The following PCDHGA12 variants were observed in gnomAD, a reference collection of about 807,000 sequenced individuals.
PCDHGA12 encodes protocadherin gamma subfamily A, 12, also known as protocadherin gamma-A12.
PCDHGA12 carries 43 observed loss-of-function variants against 61.1 expected under a neutral mutation model. The ratio of observed to expected loss-of-function variants is 0.70; its 90% confidence interval spans 0.55 to 0.91. The LOEUF is 0.91. PCDHGA12 is among the 40% of genes least tolerant of loss of function. The pLI is 0.00. For missense variants in PCDHGA12, 1,236 were observed against 1,227.7 expected, an observed-to-expected ratio of 1.01 and a Z score of -0.10; for synonymous variants, 520 against 542.9, an observed-to-expected ratio of 0.96 and a Z score of 0.59.
chr5:141,509,442 T>C (rs1473514859), intron 3 of PCDHGA12, among the ~76,000 whole-genome samples: 3 of 152,008 alleles, frequency 2.0e-5, no homozygotes, highest in Non-Finnish European at 2.9e-5. Flanking sequence ...TGTTTCCTCC[T>C]CTCCCACCCC....
At chr5:141,479,855 C>T (rs1330076788) in intron 1 of PCDHGA12, among the ~76,000 whole-genome samples, 2 of 152,128 alleles carry the variant, frequency 1.3e-5, no homozygotes, top group Non-Finnish European at 2.9e-5. Context: ...ACTGCAAGGC[C>T]TTTGCCCTGG....
intron 1 of PCDHGA12, chr5:141,478,470 G>A (rs753075137): frequency 1.2e-6 from 2 of 1,613,686 alleles, no homozygotes; most frequent in Non-Finnish European, 1.7e-6. Context: ...CTGGCCAGCC[G>A]CCAGAACACG....
At chr5:141,475,448 G>C (rs774710049) in intron 1 of PCDHGA12, among the ~76,000 whole-genome samples, 1 of 152,214 alleles carries the variant, frequency 6.6e-6, no homozygotes, top group African/African-American at 2.4e-5. Context: ...CAGATAATGA[G>C]GAAGTGACAG....
At position 141,491,658 on chromosome 5, in the gene PCDHGA12, C is replaced by A; in HGVS notation, c.2425-3149C>A. 1 of 1,613,822 alleles carries A rather than the reference C, an allele frequency of 6.2e-7. No homozygotes were observed. The highest frequency in any genetic ancestry group is 8.5e-7 in the Non-Finnish European group (1 of 1,180,016). On this transcript the variant is annotated intron_variant, in intron 1 of 3. Coordinates refer to ENST00000252085, the MANE Select transcript of PCDHGA12 (RefSeq NM_003735.3). The surrounding 1 kb of genome is among the most constrained non-coding windows in gnomAD (Gnocchi z 6.9). ...CCACAGCTCTGGCGCTGGAGCCTGA[C>A]GCCATCCGGTCCCGCTCTAATACGC... is the stretch of plus-strand genomic sequence containing the variant.
chr5:141,486,565 TC>T lies in PCDHGA12; in HGVS notation c.2425-8240del. The T allele has an allele frequency of 6.2e-7, 1 of 1,614,024 alleles. No homozygotes were observed. The highest frequency in any genetic ancestry group is 2.2e-5 in the East Asian group (1 of 44,880). On this transcript the variant is annotated intron_variant, in intron 1 of 3. Transcript: ENST00000252085. This position sits in a 1 kb window ranked among gnomAD's most constrained non-coding sequence, Gnocchi z 5.0. Reference sequence around the variant, plus strand: ...TTCAGAGGTCACATGAGGTGTTTGTTCCTGAGAACAATCGCCCAGGGGACCT... The same window carrying T: ...TTCAGAGGTCACATGAGGTGTTTGTTCTGAGAACAATCGCCCAGGGGACCT...
chr5:141,459,909 G>A (rs7446907), intron 1 of PCDHGA12, among the ~76,000 whole-genome samples: 42,418 of 152,010 alleles, frequency 0.28, 6,645 homozygotes, highest in African/African-American at 0.43. Flanking sequence ...TGAGCTATGG[G>A]AGTTTTAAAA....
chr5:141,485,995 T>G lies in PCDHGA12; in HGVS notation c.2425-8812T>G. 1 of 1,614,176 alleles carries G rather than the reference T, an allele frequency of 6.2e-7. No individual in the cohort carries two copies. On this transcript the variant is annotated intron_variant, in intron 1 of 3. Transcript: ENST00000252085. The surrounding 1 kb of genome is among the most constrained non-coding windows in gnomAD (Gnocchi z 5.7). ...CCTCAGACCCGGACCTGGGTCCCAG[T>G]GGTAACGTCACCTTTTATTTCAGTG...
At position 141,433,275 on chromosome 5, in the gene PCDHGA12, C is replaced by G. The variant is rs1173546273; in HGVS notation, c.2424+92C>G. 1.5e-5 allele frequency: 19 copies of G among 1,229,998 alleles called. No homozygotes were observed. In the East Asian group the frequency reaches 3.6e-4, roughly 23 times the overall value. The allele number at this position is 1,229,998 out of a possible 1,614,324, so 76.2% of individuals were successfully genotyped here. A position where few individuals can be genotyped will look rare whatever the true frequency, so the allele number is the denominator to read the frequency against. On this transcript the variant is annotated intron_variant, in intron 1 of 3. Transcript: ENST00000252085. ...GCGGTACGATCATAGCTCACTGCAG[C>G]CTCAAACTCCTAGGCTCAAGCAATT...
At position 141,432,993 on chromosome 5, in the gene PCDHGA12, G is replaced by C. The variant is rs749499789; in HGVS notation, c.2234G>C (p.Gly745Ala). 7 of 1,614,208 alleles carry C rather than the reference G, an allele frequency of 4.3e-6. No homozygotes were observed. In the South Asian group the frequency reaches 7.7e-5, roughly 18 times the overall value. Residue 745 changes from glycine to alanine, a missense_variant, in exon 1 of 4, where the codon GGG becomes GCG. By Grantham distance (60) the Gly-to-Ala change is moderately conservative (BLOSUM62 0). Transcript: ENST00000252085. This position sits in a 1 kb window ranked among gnomAD's most constrained non-coding sequence, Gnocchi z 6.0. ...APASHFVGVDGVQAFLQTYSH... is the reference protein window; with the variant it reads ...APASHFVGVDAVQAFLQTYSH... ...GCGTCGCACTTTGTGGGCGTGGACG[G>C]GGTGCAGGCTTTCCTGCAGACCTAT...
In PCDHGA12 at chr5:141,493,468, T is replaced by C. The variant is rs960204561; in HGVS notation, c.2425-1339T>C. On this transcript the variant is annotated intron_variant, in intron 1 of 3. Transcript: ENST00000252085. The surrounding 1 kb of genome is among the most constrained non-coding windows in gnomAD (Gnocchi z 4.3). ...TGGGGTTCCTTCCCTTTTAGGACCT[T>C]ACATGTGGGGAAAGTCTTCTGTGGC... Among the ~76,000 whole-genome samples the C allele has an allele frequency of 4.6e-5, 7 of 152,144 alleles. No individual in the cohort carries two copies. Among genetic ancestry groups the C allele is most frequent in the African/African-American group, 1.4e-4 (6 of 41,426 alleles).
At position 141,433,251 on chromosome 5, in the gene PCDHGA12, C is replaced by T. The variant is rs1022165468; in HGVS notation, c.2424+68C>T. The T allele has an allele frequency of 1.1e-5, 16 of 1,423,126 alleles. No homozygotes were observed. In the East Asian group the frequency reaches 3.7e-4, roughly 33 times the overall value. 88.2% of individuals were successfully genotyped at this position (1,423,126 alleles called of 1,614,324 possible). A position where few individuals can be genotyped will look rare whatever the true frequency, so the allele number is the denominator to read the frequency against. ...CTCTGTCTCCCAAGCTGGAATGCAGCGGTACGATCATAGCTCACTGCAGCC... is the reference window on the plus strand; with the variant it reads ...CTCTGTCTCCCAAGCTGGAATGCAGTGGTACGATCATAGCTCACTGCAGCC... On this transcript the variant is annotated intron_variant, in intron 1 of 3. Transcript: ENST00000252085.
At chr5:141,460,411 T>TG (rs2098988114) in intron 1 of PCDHGA12, among the ~76,000 whole-genome samples, 1 of 152,212 alleles carries the variant, frequency 6.6e-6, no homozygotes, top group Non-Finnish European at 1.5e-5. Context: ...TTTGAGTTGA[T>TG]GTTTATGTAT....
In PCDHGA12 at chr5:141,493,548, G is replaced by A. The variant is rs1243278355; in HGVS notation, c.2425-1259G>A. 3.9e-5 allele frequency among the ~76,000 whole-genome samples: 6 copies of A among 152,196 alleles called. No homozygotes were observed. ...AAACTTGGCCAGTTATCCTTTTGGA[G>A]ATTGAGTTCCCCCAGCTCCGTTTCC... On this transcript the variant is annotated intron_variant, in intron 1 of 3. Coordinates refer to ENST00000252085, the MANE Select transcript of PCDHGA12 (RefSeq NM_003735.3). This position sits in a 1 kb window ranked among gnomAD's most constrained non-coding sequence, Gnocchi z 4.3.
intron 2 of PCDHGA12, among the ~76,000 whole-genome samples, chr5:141,504,143 C>A (rs2099835975): frequency 6.6e-6 from 1 of 152,136 alleles, no homozygotes; most frequent in Non-Finnish European, 1.5e-5. Flanking sequence ...CACTCCCCTG[C>A]AAATTGAAAT....
At chr5:141,481,282 T>C (rs2099534931) in intron 1 of PCDHGA12, among the ~76,000 whole-genome samples, 1 of 152,148 alleles carries the variant, frequency 6.6e-6, no homozygotes, top group African/African-American at 2.4e-5. Flanking sequence ...CATAAAATGG[T>C]ATTTCAGTCA....
Position 141,432,593 on chromosome 5 carries a change from A to G in PCDHGA12, c.1834A>G (p.Ser612Gly), listed in dbSNP as rs2097518945. ...GCTGTCCTACCGTCTGCTCAAGGCC[A>G]GCGAGCCGGGACTCTTCTCGGTGGG... The part of the protein sequence containing the change: ...AWLSYRLLKA[S>G]EPGLFSVGLH... Residue 612 changes from serine (S) to glycine (G), a missense_variant, in exon 1 of 4, where the codon AGC becomes GGC. Ser to Gly is a moderately conservative substitution (Grantham distance 56). Transcript: ENST00000252085. The surrounding 1 kb of genome is among the most constrained non-coding windows in gnomAD (Gnocchi z 6.0). 6.2e-7 allele frequency: 1 copy of G among 1,612,958 alleles called. No individual in the cohort carries two copies. Among genetic ancestry groups the G allele is most frequent in the Non-Finnish European group, 8.5e-7 (1 of 1,179,834 alleles).
chr5:141,453,888 C>T (rs1273180395), intron 1 of PCDHGA12, among the ~76,000 whole-genome samples: 2 of 152,198 alleles, frequency 1.3e-5, no homozygotes, highest in East Asian at 1.9e-4. Flanking sequence ...TGTGGCCAAT[C>T]ACATGACTTC....
rs911954966 is a variant in PCDHGA12, at chr5:141,491,081, C to G, written c.2425-3726C>G. On this transcript the variant is annotated intron_variant, in intron 1 of 3. Coordinates refer to ENST00000252085, the MANE Select transcript of PCDHGA12 (RefSeq NM_003735.3). This position sits in a 1 kb window ranked among gnomAD's most constrained non-coding sequence, Gnocchi z 6.9. ...TCCTACTCACTGTTGCCACAGTCCACAGCCCCAGGACTGTTCCTCGTGTCT... is the reference window on the plus strand; with the variant it reads ...TCCTACTCACTGTTGCCACAGTCCAGAGCCCCAGGACTGTTCCTCGTGTCT... The G allele has an allele frequency of 4.3e-6, 7 of 1,614,176 alleles. No individual in the cohort carries two copies. Among genetic ancestry groups the G allele is most frequent in the Non-Finnish European group, 5.9e-6 (7 of 1,180,010 alleles).
rs369529373 is a variant in PCDHGA12 at position 141,458,890 on chromosome 5, C to T, written c.2424+25707C>T. Among the ~76,000 whole-genome samples, 87 of 152,160 alleles carry T rather than the reference C, an allele frequency of 5.7e-4. 1 individual carries two copies. In the South Asian group the frequency reaches 0.016, roughly 28 times the overall value. ...TGGGACTACAGGCATGCACACCATG[C>T]GCAGCTAATTTTTTCTATTTTTTGT... On this transcript the variant is annotated intron_variant, in intron 1 of 3. Coordinates refer to ENST00000252085, the MANE Select transcript of PCDHGA12 (RefSeq NM_003735.3).
Sources: gnomAD v4.1 joint callset for allele counts (sites outside exome capture counted in the v4.1 genomes callset) on GRCh38, gnomAD v4.1.1 for gene constraint, Gnocchi (gnomAD v3.1) non-coding constraint, MANE v1.5 for transcripts, NCBI Gene and HGNC (gene_info 2026-07-23, HGNC 2026-07-21) for gene names.